Variants in DNAH10 observed in about 807,000 individuals in gnomAD.
The protein encoded by DNAH10 is dynein axonemal heavy chain 10.
DNAH10 carries 348 observed loss-of-function variants against 506.6 expected under a neutral mutation model. The ratio of observed to expected loss-of-function variants is 0.69; its 90% CI spans 0.63 to 0.75. The LOEUF (loss-of-function observed/expected upper bound fraction) is 0.75, where lower values mean the gene tolerates loss of function less well. Among genes scored for constraint, DNAH10 ranks in the 30% least tolerant of loss-of-function variants. DNAH10 has a pLI of 0.00. For synonymous variants in DNAH10, 2,059 were observed against 2,198.6 expected, an observed-to-expected ratio of 0.94 and a Z score of 1.78; for missense variants, 5,179 against 5,787.1, an observed-to-expected ratio of 0.89 and a Z score of 3.41.
At chr12:123,816,729 C>G (rs1018791483) in intron 21 of DNAH10, among the ~76,000 whole-genome samples, 2 of 152,140 alleles carry the variant, frequency 1.3e-5, no homozygotes, top group Non-Finnish European at 2.9e-5. Context: ...ACCCTGGGCA[C>G]CTAATACTTG....
rs776262945 is a variant in DNAH10, at chr12:123,935,348, C to A, written c.13637C>A (p.Thr4546Asn). 1.2e-6 allele frequency: 2 copies of A among 1,605,022 alleles called. No individual in the cohort carries two copies. The highest frequency in any genetic ancestry group is 1.1e-5 in the South Asian group (1 of 90,864). Reference protein sequence around the residue: ...HRLKLQNTFRTPVYTTSMRRN... With the variant: ...HRLKLQNTFRNPVYTTSMRRN... ...TTTCCCTTGCAGAATACTTTCCGGA[C>A]CCCCGTCTACACCACCTCCATGAGA... Residue 4546 changes from threonine (T) to asparagine (N), a missense_variant, in exon 79 of 79, where the codon ACC (threonine) becomes AAC (asparagine). Around this residue, in one of 3 missense-constraint regions of DNAH10, gnomAD observed 4,844 missense variants for 5,430.5 expected, o/e 0.89. Transcript: ENST00000673944.
Position 123,785,907 on chromosome 12 carries a change from C to T in DNAH10, c.1392C>T (p.Cys464=). 6.2e-7 allele frequency: 1 copy of T among 1,613,578 alleles called. No homozygotes were observed. The highest frequency in any genetic ancestry group is 8.5e-7 in the Non-Finnish European group (1 of 1,179,556). ...RIAWEIAERV[C]RVVNLRTLFK... ...CCTGGGAAATCGCTGAGAGAGTCTG[C>T]CGAGTGGTCAACCTGCGGACTTTGT... The change falls in exon 9 of 79, where the codon TGC becomes TGT. Residue 464 remains cysteine, a synonymous_variant. Coordinates refer to ENST00000673944, the MANE Select transcript of DNAH10 (RefSeq NM_001372106.1). This position sits in a 1 kb window ranked among gnomAD's most constrained non-coding sequence, Gnocchi z 4.1.
At chr12:123,911,346 T>G (rs1409330785) in intron 59 of DNAH10, among the ~76,000 whole-genome samples, 1 of 840 alleles carries the variant, frequency 1.2e-3, no homozygotes, top group Non-Finnish European at 2.3e-3. Flanking sequence ...CTGGGGGGGG[T>G]CTGTCCTGGG....
intron 51 of DNAH10, among the ~76,000 whole-genome samples, chr12:123,883,226 T>C (rs1012631350): frequency 1.6e-4 from 25 of 152,240 alleles, no homozygotes; most frequent in Non-Finnish European, 8.8e-5. Flanking sequence ...TTGAGTATGC[T>C]CCTACAAGTG....
Position 123,833,224 on chromosome 12 carries a change from T to TC in DNAH10, c.4657dup (p.Gln1553ProfsTer4), listed in dbSNP as rs780087888. ...TCCTGGGTTCTGTTGACGAAATTAT[T>TC]CAGTCTCTTGATGACAACACTTTCA... is the stretch of plus-strand genomic sequence containing the variant. On this transcript the variant is annotated frameshift_variant, in exon 27 of 79. Coordinates refer to ENST00000673944, the MANE Select transcript of DNAH10 (RefSeq NM_001372106.1). LOFTEE classifies it high-confidence loss of function. 6.2e-7 allele frequency: 1 copy of TC among 1,613,904 alleles called. No homozygotes were observed. Among genetic ancestry groups the TC allele is most frequent in the Non-Finnish European group, 8.5e-7 (1 of 1,179,874 alleles).
In DNAH10 at chr12:123,903,061, G is replaced by A; in HGVS notation, c.9763G>A (p.Ala3255Thr). 6.2e-7 allele frequency: 1 copy of A among 1,611,388 alleles called. No homozygotes were observed. The highest frequency in any genetic ancestry group is 8.5e-7 in the Non-Finnish European group (1 of 1,178,788). Residue 3255 changes from alanine (A) to threonine (T), a missense_variant, in exon 57 of 79, where the codon GCC becomes ACC. Coordinates refer to ENST00000673944, the MANE Select transcript of DNAH10 (RefSeq NM_001372106.1). This position sits in a 1 kb window ranked among gnomAD's most constrained non-coding sequence, Gnocchi z 4.6. ...GGCAGAGGTCATGCCCATCCTGGAGGCCGCCAAGCTGGAACTGCAGAAGCT... is the reference window on the plus strand; with the variant it reads ...GGCAGAGGTCATGCCCATCCTGGAGACCGCCAAGCTGGAACTGCAGAAGCT... ...TLAEVMPILEAAKLELQKLDK... is the reference protein window; with the variant it reads ...TLAEVMPILETAKLELQKLDK...
intron 43 of DNAH10, among the ~76,000 whole-genome samples, chr12:123,868,800 G>A (rs979857194): frequency 6.6e-5 from 10 of 152,132 alleles, no homozygotes; most frequent in Non-Finnish European, 1.2e-4. Context: ...AATGGCCTCC[G>A]GTCTTTCTAA....
rs370620296 is a variant in DNAH10, at chr12:123,899,001, C to T, written c.9640+187C>T. On this transcript the variant is annotated intron_variant, in intron 56 of 78. Transcript: ENST00000673944. ...GCAATTCCTGTTTTCTTTCTGAATT[C>T]GTGTCCAGCCAGTCTTGTCCCCTTT... 1.4e-4 allele frequency among the ~76,000 whole-genome samples: 21 copies of T among 152,286 alleles called. No individual in the cohort carries two copies. The East Asian group carries it at 2.7e-3, about 20-fold the overall frequency.
chr12:123,927,428 C>G (rs1176884283), intron 69 of DNAH10: 1 of 155,158 alleles, frequency 6.4e-6, no homozygotes, highest in African/African-American at 2.4e-5. Context: ...CATTGTGGAT[C>G]AGGATTATTA....
rs777577397 is a variant in DNAH10, at chr12:123,845,648, C to T, written c.5409C>T (p.Ser1803=). The T allele has an allele frequency of 2.9e-5, 47 of 1,613,482 alleles. No individual in the cohort carries two copies. The highest frequency in any genetic ancestry group is 3.9e-5 in the Non-Finnish European group (46 of 1,179,866). The change falls in exon 31 of 79, where the codon AGC becomes AGT. Residue 1803 remains serine (S), a synonymous_variant. Transcript: ENST00000673944. ...AGGGCATGGTGGTGCTGGCCGCTAG[C>T]CAGGTGTGGTGGACCTGGGAGGTGG... ...LYQGMVVLAA[S]QVWWTWEVED...
Position 123,913,829 on chromosome 12 carries a change from G to A in DNAH10, c.10353-500G>A, listed in dbSNP as rs530054391. On this transcript the variant is annotated intron_variant, in intron 60 of 78. Coordinates refer to ENST00000673944, the MANE Select transcript of DNAH10 (RefSeq NM_001372106.1). The surrounding 1 kb of genome is among the most constrained non-coding windows in gnomAD (Gnocchi z 5.1). ...AATTTTGAATCTAGCATCTGTAAGT[G>A]TGGTGTAGAAAACACTGAAAAATGT... Among the ~76,000 whole-genome samples, 4 of 152,372 alleles carry A rather than the reference G, an allele frequency of 2.6e-5. No homozygotes were observed. In the South Asian group the frequency reaches 8.3e-4, roughly 32 times the overall value.
chr12:123,784,274 C>A, intron 8 of DNAH10, 97 bp downstream of exon 8: 4 of 1,257,650 alleles, frequency 3.2e-6, no homozygotes, highest in Non-Finnish European at 4.5e-6. Flanking sequence ...TGGCCAGGAG[C>A]AGTGGCTCAT....
intron 65 of DNAH10, among the ~76,000 whole-genome samples, chr12:123,921,696 T>G (rs74746032): frequency 1.5e-3 from 14 of 9,090 alleles, no homozygotes; most frequent in Non-Finnish European, 4.0e-3. Flanking sequence ...TTGCAGTTTT[T>G]TTTTTTTTTT....
intron 10 of DNAH10, among the ~76,000 whole-genome samples, chr12:123,788,307 C>T (rs929802130): frequency 1.3e-5 from 2 of 152,166 alleles, no homozygotes; most frequent in African/African-American, 4.8e-5. Context: ...CTGCCTTCCC[C>T]TTAAGTATTG....
chr12:123,891,588 G>A (rs943629678), intron 52 of DNAH10, among the ~76,000 whole-genome samples: 3 of 151,714 alleles, frequency 2.0e-5, no homozygotes. Flanking sequence ...CACGGGGAGC[G>A]AGAGACTGAG....
intron 52 of DNAH10, among the ~76,000 whole-genome samples, chr12:123,892,012 C>T (rs577145207): frequency 2.7e-4 from 41 of 152,294 alleles, no homozygotes; most frequent in African/African-American, 8.7e-4. Flanking sequence ...CCGGGATTTC[C>T]TTGGGGCTGC....
intron 59 of DNAH10, 127 bp downstream of exon 59, chr12:123,910,799 C>G: frequency 8.1e-7 from 1 of 1,233,064 alleles, no homozygotes; most frequent in Non-Finnish European, 1.1e-6. Context: ...TAAACTTTCC[C>G]TCCACCACCC....
At position 123,925,125 on chromosome 12, in the gene DNAH10, T is replaced by G; in HGVS notation, c.11842T>G (p.Leu3948Val). The change falls in exon 68 of 79, where the codon TTG becomes GTG. Residue 3948 changes from leucine (L) to valine (V), a missense_variant. By Grantham distance (32) the Leu-to-Val change is conservative. This residue lies in a region of DNAH10 where 4,844 missense variants were observed against 5,430.5 expected (regional missense o/e 0.89). Coordinates refer to ENST00000673944, the MANE Select transcript of DNAH10 (RefSeq NM_001372106.1). The surrounding 1 kb of genome is among the most constrained non-coding windows in gnomAD (Gnocchi z 4.0). ...TAACAACATCACCCCTTTCCAGAAG[T>G]TGCTTATTTTGCGCTGTTTCCGTGT... Reference protein sequence around the residue: ...YDNNITPFQKLLILRCFRVDR... With the variant: ...YDNNITPFQKVLILRCFRVDR... The G allele has an allele frequency of 6.2e-7, 1 of 1,614,036 alleles. No homozygotes were observed. Among genetic ancestry groups the G allele is most frequent in the Non-Finnish European group, 8.5e-7 (1 of 1,179,900 alleles).
At chr12:123,878,591 T>A (rs1456531298) in intron 48 of DNAH10, among the ~76,000 whole-genome samples, 2 of 152,150 alleles carry the variant, frequency 1.3e-5, no homozygotes, top group Non-Finnish European at 2.9e-5. Flanking sequence ...CAGATTGAGT[T>A]GGCTCTTAGA....
Sources: allele counts gnomAD v4.1 joint callset (sites outside exome capture counted in the v4.1 genomes callset), GRCh38; gene constraint gnomAD v4.1.1; regional missense constraint gnomAD v4.1.1; non-coding constraint Gnocchi (gnomAD v3.1); transcripts MANE v1.5; gene names NCBI Gene and HGNC (gene_info 2026-07-23, HGNC 2026-07-21).